TRAK1: variants seen among roughly 807,000 people sequenced by gnomAD.
TRAK1 encodes trafficking kinesin protein 1, also known as trafficking kinesin-binding protein 1.
In TRAK1, 33 loss-of-function variants were observed where a neutral mutation model predicts 92.1. That is an observed-to-expected ratio of 0.36 (90% CI 0.27 to 0.48). The LOEUF (loss-of-function observed/expected upper bound fraction) is 0.48, where lower values mean the gene tolerates loss of function less well. TRAK1 is among the 20% of genes least tolerant of loss of function. The probability of loss-of-function intolerance (pLI) is 0.99; values close to 1 mark genes in which losing one functional copy is unlikely to be tolerated. For missense variants in TRAK1, 1,123 were observed against 1,257.9 expected, an observed-to-expected ratio of 0.89 and a Z score of 1.62; for synonymous variants, 521 against 517.3, an observed-to-expected ratio of 1.01 and a Z score of -0.10.
chr3:42,079,480 T>TTG (rs1303720514), intron 1 of TRAK1, among the ~76,000 whole-genome samples: 22 of 148,212 alleles, frequency 1.5e-4, no homozygotes, highest in Admixed American at 2.7e-4. Flanking sequence ...CCTTCTTCTT[T>TTG]TTTTTTTTTT....
At chr3:42,174,716 A>C (rs1020585141) in intron 2 of TRAK1, among the ~76,000 whole-genome samples, 2 of 148,506 alleles carry the variant, frequency 1.3e-5, no homozygotes, top group Admixed American at 6.7e-5. Flanking sequence ...ATATATATAA[A>C]ATTTTATATA....
intron 2 of TRAK1, among the ~76,000 whole-genome samples, chr3:42,129,473 T>G (rs1158705404): frequency 6.6e-6 from 1 of 152,140 alleles, no homozygotes. Context: ...AATTTGGCCC[T>G]CACTTGACTT....
At chr3:42,182,895 A>G (rs77155777) in intron 3 of TRAK1, among the ~76,000 whole-genome samples, 1,947 of 152,358 alleles carry the variant, frequency 0.013, 46 homozygotes, top group African/African-American at 0.045. Flanking sequence ...ATAAAGCTAG[A>G]GAGTTTTTCC....
chr3:42,023,561 G>C (rs1318496208), intron 1 of TRAK1, among the ~76,000 whole-genome samples: 2 of 152,046 alleles, frequency 1.3e-5, no homozygotes, highest in Non-Finnish European at 2.9e-5. Flanking sequence ...GCGAGTGATA[G>C]TGTGGGTAGA....
At chr3:42,035,603 C>G (rs1290965791) in intron 1 of TRAK1, among the ~76,000 whole-genome samples, 1 of 152,238 alleles carries the variant, frequency 6.6e-6, no homozygotes, top group African/African-American at 2.4e-5. Flanking sequence ...CTAGCCCCTT[C>G]TGGTCAGTCA....
chr3:42,043,616 G>T (rs991338985), intron 1 of TRAK1, among the ~76,000 whole-genome samples: 1 of 109,736 alleles, frequency 9.1e-6, no homozygotes, highest in African/African-American at 3.8e-5. Context: ...CCATGGAGCT[G>T]GGGGGGGGGC....
At chr3:42,140,560 G>A (rs1684069109) in intron 2 of TRAK1, among the ~76,000 whole-genome samples, 1 of 152,216 alleles carries the variant, frequency 6.6e-6, no homozygotes, top group Admixed American at 6.5e-5. Context: ...CCGGGAGGTG[G>A]AGGTTGCAGT....
chr3:42,051,998 A>G (rs1378249526), intron 1 of TRAK1, among the ~76,000 whole-genome samples: 1 of 152,162 alleles, frequency 6.6e-6, no homozygotes, highest in Non-Finnish European at 1.5e-5. Flanking sequence ...TGCCTTTGTG[A>G]TATGACAGCT....
At chr3:42,144,440 G>A (rs139589586) in intron 2 of TRAK1, among the ~76,000 whole-genome samples, 59 of 152,216 alleles carry the variant, frequency 3.9e-4, no homozygotes, top group African/African-American at 1.3e-3. Context: ...TGAGACTGAT[G>A]TTATCTAATA....
At chr3:42,212,300 GC>G in intron 14 of TRAK1, 2 of 985,402 alleles carry the variant, frequency 2.0e-6, no homozygotes, top group Non-Finnish European at 2.4e-6. Context: ...TTACCAAACA[GC>G]ACTATCCCAG....
At chr3:42,157,457 C>CAAAA (rs60622565) in intron 2 of TRAK1, among the ~76,000 whole-genome samples, 549 of 31,078 alleles carry the variant, frequency 0.018, 139 homozygotes, top group African/African-American at 0.046. Context: ...GACCCTGTCT[C>CAAAA]AAAAAAAAAA....
At chr3:42,191,775 C>A in intron 7 of TRAK1, 139 bp downstream of exon 7, 1 of 810,476 alleles carries the variant, frequency 1.2e-6, no homozygotes, top group Non-Finnish European at 1.9e-6. Context: ...GAGGCCTCCC[C>A]AACCTTGTGT....
upstream of TRAK1, among the ~76,000 whole-genome samples, chr3:42,090,317 G>T (rs1243557355): frequency 6.6e-6 from 1 of 152,232 alleles, no homozygotes; most frequent in African/African-American, 2.4e-5. Flanking sequence ...AATCCAGGAA[G>T]CATCCAGCCT....
intron 1 of TRAK1, among the ~76,000 whole-genome samples, chr3:42,064,647 A>G (rs1703600457): frequency 6.6e-6 from 1 of 152,202 alleles, no homozygotes; most frequent in African/African-American, 2.4e-5. Flanking sequence ...TACTGAAGTT[A>G]AAATATTTGT....
At chr3:42,073,772 C>T (rs1392355368) in intron 1 of TRAK1, among the ~76,000 whole-genome samples, 1 of 152,174 alleles carries the variant, frequency 6.6e-6, no homozygotes, top group Non-Finnish European at 1.5e-5. Context: ...ATTTAAGGAG[C>T]TGACCCGGAC....
intron 1 of TRAK1, among the ~76,000 whole-genome samples, chr3:42,056,005 T>C (rs1362100816): frequency 6.6e-6 from 1 of 152,262 alleles, no homozygotes; most frequent in African/African-American, 2.4e-5. Context: ...GTAGTAGGTA[T>C]CAGTACTTCA....
chr3:42,203,789 A>G, intron 13 of TRAK1: 1 of 920,540 alleles, frequency 1.1e-6, no homozygotes, highest in Non-Finnish European at 1.3e-6. Context: ...TTTTAATACC[A>G]CATATATATT....
intron 1 of TRAK1, among the ~76,000 whole-genome samples, chr3:42,104,949 CTTTTTT>C (rs34326359): frequency 3.8e-5 from 5 of 130,768 alleles, no homozygotes; most frequent in Non-Finnish European, 6.6e-5. Context: ...AGCTAAAAAT[CTTTTTT>C]TTTTTTTTTT....
At chr3:42,193,322 G>T in intron 8 of TRAK1, 117 bp downstream of exon 8, 6 of 1,420,944 alleles carry the variant, frequency 4.2e-6, no homozygotes, top group Non-Finnish European at 4.7e-6. Flanking sequence ...TCGTGTTGCC[G>T]CTTTGCAGAA....
Sources: allele counts gnomAD v4.1 joint callset (sites outside exome capture counted in the v4.1 genomes callset), GRCh38; gene constraint gnomAD v4.1.1; transcripts MANE v1.5; gene names NCBI Gene and HGNC (gene_info 2026-07-23, HGNC 2026-07-21).